Variants in CADM1 observed in about 807,000 individuals in gnomAD.
CADM1 encodes the protein cell adhesion molecule 1, also known as TSLC-1.
A neutral mutation model predicts 53.1 loss-of-function variants in CADM1; 15 were observed. The ratio of observed to expected loss-of-function variants is 0.28; its 90% CI spans 0.19 to 0.44. CADM1 has a LOEUF of 0.44. Ranked by LOEUF, CADM1 falls within the 20% of genes least tolerant of loss-of-function variation. The probability of loss-of-function intolerance (pLI) is 1.00; values close to 1 mark genes in which losing one functional copy is unlikely to be tolerated. For synonymous variants in CADM1, 281 were observed against 243.0 expected, an observed-to-expected ratio of 1.16 and a Z score of -1.45; for missense variants, 434 against 611.3, an observed-to-expected ratio of 0.71 and a Z score of 3.06.
At chr11:115,472,676 T>G (rs903385264) in intron 1 of CADM1, among the ~76,000 whole-genome samples, 1 of 152,244 alleles carries the variant, frequency 6.6e-6, no homozygotes, top group Non-Finnish European at 1.5e-5. Context: ...GCCCTCTGGA[T>G]GCAAATCACT....
chr11:115,374,553 G>A (rs553951659), intron 1 of CADM1, among the ~76,000 whole-genome samples: 5 of 152,014 alleles, frequency 3.3e-5, no homozygotes, highest in African/African-American at 7.2e-5. Context: ...ATAAATCTAC[G>A]CAGTGATCTT....
chr11:115,367,816 C>T (rs1017462086), intron 1 of CADM1, among the ~76,000 whole-genome samples: 1 of 151,494 alleles, frequency 6.6e-6, no homozygotes, highest in Non-Finnish European at 1.5e-5. Flanking sequence ...CTTTATATAT[C>T]CAAATTCAAA....
intron 1 of CADM1, among the ~76,000 whole-genome samples, chr11:115,356,971 A>G (rs961145114): frequency 5.9e-5 from 9 of 152,242 alleles, no homozygotes; most frequent in African/African-American, 2.2e-4. Context: ...TAACATTACA[A>G]TGCAAACATT....
At chr11:115,328,689 T>C (rs796755864) in intron 1 of CADM1, among the ~76,000 whole-genome samples, 289 of 23,842 alleles carry the variant, frequency 0.012, 8 homozygotes, top group African/African-American at 0.067. Flanking sequence ...TGTATATATA[T>C]GTGTATATAT....
chr11:115,404,559 T>C (rs1158954511), intron 1 of CADM1, among the ~76,000 whole-genome samples: 1 of 148,956 alleles, frequency 6.7e-6, no homozygotes, highest in Non-Finnish European at 1.5e-5. Context: ...AGATTGAGTT[T>C]GCCTGCATTA....
chr11:115,370,926 A>T (rs1029821858), intron 1 of CADM1, among the ~76,000 whole-genome samples: 1 of 152,202 alleles, frequency 6.6e-6, no homozygotes, highest in African/African-American at 2.4e-5. Context: ...TCCATTTCTC[A>T]CCAAAATGAA....
chr11:115,340,658 A>ATATATATATATATATATT (rs60532835), intron 1 of CADM1, among the ~76,000 whole-genome samples: 1 of 34,938 alleles, frequency 2.9e-5, no homozygotes, highest in African/African-American at 1.4e-4. Flanking sequence ...ATATATATAT[A>ATATATATATATATATATT]TTTTTTTTTT....
At chr11:115,352,908 T>C (rs1945772826) in intron 1 of CADM1, among the ~76,000 whole-genome samples, 1 of 152,226 alleles carries the variant, frequency 6.6e-6, no homozygotes, top group Non-Finnish European at 1.5e-5. Flanking sequence ...TACCACATTT[T>C]CTTCATCCAA....
At position 115,382,130 on chromosome 11, in the gene CADM1, C is replaced by T. The variant is rs534740986; in HGVS notation, c.124+122141G>A. Among the ~76,000 whole-genome samples, 67 of 152,240 alleles carry T rather than the reference C, an allele frequency of 4.4e-4. No homozygotes were observed. The Middle Eastern group carries it at 0.014, about 31-fold the overall frequency. On this transcript the variant is annotated intron_variant, in intron 1 of 11. Transcript: ENST00000331581. ...AAAGTGCTGGGATTACAGGCGTGAG[C>T]CACCGTGTGTGGCAATAATTAGGAT...
chr11:115,428,808 C>A (rs994513218), intron 1 of CADM1, among the ~76,000 whole-genome samples: 1 of 151,676 alleles, frequency 6.6e-6, no homozygotes, highest in Non-Finnish European at 1.5e-5. Context: ...TACGTGTGTG[C>A]GCATATGAGC....
intron 1 of CADM1, among the ~76,000 whole-genome samples, chr11:115,313,079 T>C (rs150818961): frequency 1.3e-5 from 2 of 152,176 alleles, no homozygotes; most frequent in African/African-American, 4.8e-5. Context: ...ACCTCAAGAA[T>C]TGCTTCTAAA....
At chr11:115,322,418 T>C (rs940263882) in intron 1 of CADM1, among the ~76,000 whole-genome samples, 2 of 152,218 alleles carry the variant, frequency 1.3e-5, no homozygotes, top group African/African-American at 2.4e-5. Context: ...GAGATATAAT[T>C]CATATATCAC....
At chr11:115,229,039 G>GAATA (rs1941719488) in intron 5 of CADM1, 74 bp downstream of exon 5, 1 of 1,397,458 alleles carries the variant, frequency 7.2e-7, no homozygotes, top group Non-Finnish European at 1.0e-6. Context: ...TGAATGCATT[G>GAATA]AATAAATGGC....
chr11:115,263,132 C>T (rs1270892011), intron 1 of CADM1, among the ~76,000 whole-genome samples: 1 of 152,248 alleles, frequency 6.6e-6, no homozygotes, highest in Admixed American at 6.5e-5. Context: ...TCATGAGGTA[C>T]ATGACGTCAA....
intron 7 of CADM1, among the ~76,000 whole-genome samples, chr11:115,212,550 A>T (rs1358112741): frequency 6.6e-6 from 1 of 152,192 alleles, no homozygotes; most frequent in Non-Finnish European, 1.5e-5. Context: ...TGCCTTTAAC[A>T]GGTGGATCCC....
chr11:115,312,643 T>A (rs528513755), intron 1 of CADM1, among the ~76,000 whole-genome samples: 1 of 152,220 alleles, frequency 6.6e-6, no homozygotes, highest in African/African-American at 2.4e-5. Context: ...TGATTTCTTG[T>A]CCCCACCTTA....
In CADM1 at chr11:115,209,696, T is replaced by C. The variant is rs191307247; in HGVS notation, c.995-39A>G. ...AAAAGGAAAATCAAACCCACAATGC[T>C]GAACACAACAATGACCAGTAATGAC... is the stretch of plus-strand genomic sequence containing the variant. On this transcript the variant is annotated intron_variant, in intron 7 of 11. Coordinates refer to ENST00000331581, the MANE Select transcript of CADM1 (RefSeq NM_001301043.2). 400 of 1,609,722 alleles carry C rather than the reference T, an allele frequency of 2.5e-4. 2 individuals carry two copies. In the African/African-American group the frequency reaches 3.7e-3, roughly 15 times the overall value.
At chr11:115,368,342 AT>A (rs1946225993) in intron 1 of CADM1, among the ~76,000 whole-genome samples, 1 of 152,094 alleles carries the variant, frequency 6.6e-6, no homozygotes, top group African/African-American at 2.4e-5. Context: ...GTTTACAATA[AT>A]GCCCAACACT....
chr11:115,430,640 G>A (rs1395186856), intron 1 of CADM1, among the ~76,000 whole-genome samples: 1 of 152,120 alleles, frequency 6.6e-6, no homozygotes, highest in Non-Finnish European at 1.5e-5. Context: ...GCAATTACTT[G>A]GAGTTTTAGT....
Sources: gnomAD v4.1 joint callset for allele counts (sites outside exome capture counted in the v4.1 genomes callset) on GRCh38, gnomAD v4.1.1 for gene constraint, MANE v1.5 for transcripts, NCBI Gene and HGNC (gene_info 2026-07-23, HGNC 2026-07-21) for gene names.